R3HDM1: variants seen among roughly 807,000 people sequenced by gnomAD.
R3HDM1 encodes the protein R3H domain-containing protein 1.
Under a neutral mutation model 141.1 loss-of-function variants are expected in R3HDM1, and 46 were observed. That is an observed-to-expected ratio of 0.33 (90% confidence interval 0.26 to 0.42). R3HDM1 has a LOEUF of 0.42. Ranked by LOEUF, R3HDM1 falls within the 10% of genes least tolerant of loss-of-function variation. R3HDM1 has a pLI of 1.00. For synonymous variants in R3HDM1, 435 were observed against 472.9 expected (o/e 0.92, Z 1.04); for missense variants, 1,184 against 1,368.3 (o/e 0.87, Z 2.12).
intron 1 of R3HDM1, among the ~76,000 whole-genome samples, chr2:135,567,394 A>G (rs1703041183): frequency 6.6e-6 from 1 of 152,188 alleles, no homozygotes; most frequent in African/African-American, 2.4e-5. Flanking sequence ...GTGTATATGC[A>G]TACACGTACA....
chr2:135,723,267 G>A (rs535863957), intron 26 of R3HDM1, among the ~76,000 whole-genome samples: 2 of 151,572 alleles, frequency 1.3e-5, no homozygotes, highest in Non-Finnish European at 2.9e-5. Context: ...GATTACAGTC[G>A]CCCACCAGCA....
chr2:135,692,654 G>A (rs2072613714), intron 21 of R3HDM1, among the ~76,000 whole-genome samples: 1 of 152,010 alleles, frequency 6.6e-6, no homozygotes, highest in Non-Finnish European at 1.5e-5. Flanking sequence ...TTTTAGGTTA[G>A]GATAGAAAAA....
chr2:135,698,449 G>A (rs968926779), intron 21 of R3HDM1, among the ~76,000 whole-genome samples: 1 of 151,954 alleles, frequency 6.6e-6, no homozygotes, highest in Non-Finnish European at 1.5e-5. Flanking sequence ...ATGAGCCACC[G>A]CACCCAGCCA....
At chr2:135,566,370 G>A (rs538763270) in intron 1 of R3HDM1, among the ~76,000 whole-genome samples, 15 of 152,196 alleles carry the variant, frequency 9.9e-5, no homozygotes, top group East Asian at 1.9e-4. Flanking sequence ...CTTACATAGC[G>A]TCTTTATGTG....
chr2:135,708,634 G>T (rs1369821964), intron 21 of R3HDM1, among the ~76,000 whole-genome samples: 1 of 152,104 alleles, frequency 6.6e-6, no homozygotes, highest in Non-Finnish European at 1.5e-5. Flanking sequence ...CAGAGATAAT[G>T]TTATGACAAA....
At chr2:135,668,580 T>C (rs1369226634) in intron 19 of R3HDM1, among the ~76,000 whole-genome samples, 1 of 152,252 alleles carries the variant, frequency 6.6e-6, no homozygotes, top group East Asian at 1.9e-4. Context: ...CTGATGGCTT[T>C]CTACCCAGTG....
At chr2:135,607,775 T>A (rs544136050) in intron 3 of R3HDM1, 1 of 875,390 alleles carries the variant, frequency 1.1e-6, no homozygotes, top group East Asian at 1.2e-4. Flanking sequence ...TGACCACTTT[T>A]GCATCATGGC....
At chr2:135,673,307 A>G (rs987901971) in intron 19 of R3HDM1, among the ~76,000 whole-genome samples, 1 of 152,174 alleles carries the variant, frequency 6.6e-6, no homozygotes, top group Non-Finnish European at 1.5e-5. Flanking sequence ...ATTCCAGTCT[A>G]TACAGAACCC....
intron 1 of R3HDM1, among the ~76,000 whole-genome samples, chr2:135,563,378 C>T (rs1382567890): frequency 2.6e-5 from 4 of 152,152 alleles, no homozygotes; most frequent in Non-Finnish European, 4.4e-5. Flanking sequence ...TATCTTGTTC[C>T]ATTTTGCTCT....
chr2:135,629,409 T>C (rs747536900), intron 7 of R3HDM1, among the ~76,000 whole-genome samples: 2 of 152,096 alleles, frequency 1.3e-5, no homozygotes, highest in Non-Finnish European at 2.9e-5. Flanking sequence ...GAAGTAAAAA[T>C]TCTTCACCCT....
At chr2:135,612,628 T>G (rs2060651645) in intron 3 of R3HDM1, among the ~76,000 whole-genome samples, 1 of 152,198 alleles carries the variant, frequency 6.6e-6, no homozygotes. Flanking sequence ...TATAAAACAA[T>G]GTAAATTATA....
Position 135,710,069 on chromosome 2 carries a change from A to G in R3HDM1, c.2574A>G (p.Pro858=), listed in dbSNP as rs1238742058. 1.2e-6 allele frequency: 2 copies of G among 1,613,082 alleles called. No individual in the cohort carries two copies. Among genetic ancestry groups the G allele is most frequent in the Admixed American group, 3.3e-5 (2 of 59,836 alleles). The change falls in exon 23 of 27, where the codon CCA becomes CCG. Residue 858 remains proline (P), a synonymous_variant. Transcript: ENST00000683871. ...LQGHQCTAGP[P]PPPGGGMVMM... is the part of the protein sequence containing the mutation. ...AATTCTGATTTTCAGCTGGACCACCACCGCCACCTGGTGGGGGGATGGTGA... is the reference window on the plus strand; with the variant it reads ...AATTCTGATTTTCAGCTGGACCACCGCCGCCACCTGGTGGGGGGATGGTGA...
chr2:135,590,423 G>C (rs570466163), intron 1 of R3HDM1: 3 of 400,508 alleles, frequency 7.5e-6, no homozygotes, highest in Non-Finnish European at 1.0e-5. Context: ...CAAAAAAACT[G>C]TATGCCCCCT....
At chr2:135,667,395 T>TAA (rs3074519) in intron 19 of R3HDM1, among the ~76,000 whole-genome samples, 22,557 of 150,428 alleles carry the variant, frequency 0.15, 4,033 homozygotes, top group African/African-American at 0.43. Context: ...GGTAGTGTTT[T>TAA]AAAAAAAAAA....
At chr2:135,532,458 T>C (rs988157271) in intron 1 of R3HDM1, among the ~76,000 whole-genome samples, 3 of 152,188 alleles carry the variant, frequency 2.0e-5, no homozygotes, top group Non-Finnish European at 2.9e-5. Context: ...ACTATCATGC[T>C]CCGTGTGTAA....
At chr2:135,603,333 CTT>C (rs2059775086) in intron 2 of R3HDM1, among the ~76,000 whole-genome samples, 1 of 152,086 alleles carries the variant, frequency 6.6e-6, no homozygotes, top group South Asian at 2.1e-4. Context: ...AGGAAATGAA[CTT>C]TTGAATTTTT....
intron 5 of R3HDM1, among the ~76,000 whole-genome samples, chr2:135,617,157 A>C (rs919041410): frequency 6.6e-6 from 1 of 151,946 alleles, no homozygotes; most frequent in African/African-American, 2.4e-5. Flanking sequence ...CCCCATCTCT[A>C]CTAAAAAAAA....
chr2:135,618,658 G>A (rs1167519245), intron 5 of R3HDM1, among the ~76,000 whole-genome samples: 1 of 151,964 alleles, frequency 6.6e-6, no homozygotes, highest in African/African-American at 2.4e-5. Flanking sequence ...TTGTAATAAA[G>A]CTGAAGAGCT....
intron 21 of R3HDM1, among the ~76,000 whole-genome samples, chr2:135,686,641 T>A (rs1335853437): frequency 6.6e-6 from 1 of 152,102 alleles, no homozygotes; most frequent in Non-Finnish European, 1.5e-5. Flanking sequence ...GGAAACTGAG[T>A]TGTGGGAAGA....
Sources: gnomAD v4.1 joint callset for allele counts (sites outside exome capture counted in the v4.1 genomes callset) on GRCh38, gnomAD v4.1.1 for gene constraint, MANE v1.5 for transcripts, NCBI Gene and HGNC (gene_info 2026-07-23, HGNC 2026-07-21) for gene names.